Variants in TKT observed in about 807,000 individuals in gnomAD.
The protein encoded by TKT is transketolase.
A neutral mutation model predicts 63.9 loss-of-function variants in TKT; 47 were observed. The observed-to-expected ratio is 0.74, with a 90% CI of 0.58 to 0.94. TKT has a LOEUF of 0.94. Ranked by LOEUF, TKT falls within the 40% of genes least tolerant of loss-of-function variation. The pLI is 0.00. For synonymous variants in TKT, 338 were observed against 334.1 expected, an observed-to-expected ratio of 1.01 and a Z score of -0.13; for missense variants, 721 against 846.2, an observed-to-expected ratio of 0.85 and a Z score of 1.84.
Position 53,233,157 on chromosome 3 carries a change from C to T in TKT, c.747G>A (p.Thr249=), listed in dbSNP as rs782392600. The change falls in exon 6 of 14, where the codon ACG becomes ACA. Residue 249 remains threonine, a splice_region_variant and synonymous_variant. Transcript: ENST00000462138. ...IAKTFKGRGI[T]GVEDKESWHG... is the part of the protein sequence containing the mutation. ...GGAGGGCGGCTTGTGCATACTGACC[C>T]GTGATCCCTCGGCCCTTGAAGGTCT... is the stretch of plus-strand genomic sequence containing the variant. 27 of 1,613,142 alleles carry T rather than the reference C, an allele frequency of 1.7e-5. No homozygotes were observed. The highest frequency in any genetic ancestry group is 2.2e-5 in the South Asian group (2 of 90,892).
At chr3:53,234,738 G>A (rs542031750) in intron 5 of TKT, 40 of 400,724 alleles carry the variant, frequency 1.0e-4, no homozygotes, top group Middle Eastern at 6.5e-4. Context: ...TGGAAGCTCC[G>A]AGAGCCACCA....
chr3:53,246,948 C>T (rs557853324), intron 1 of TKT, among the ~76,000 whole-genome samples: 1 of 152,142 alleles, frequency 6.6e-6, no homozygotes, highest in Admixed American at 6.5e-5. Flanking sequence ...TGGAGGGACC[C>T]ACTGTAGTTC....
intron 4 of TKT, among the ~76,000 whole-genome samples, chr3:53,235,879 CAGTG>C (rs1478525230): frequency 2.7e-5 from 1 of 36,672 alleles, no homozygotes; most frequent in African/African-American, 5.9e-5. Flanking sequence ...CTTTTCAAGA[CAGTG>C]AGACGTTAAA....
intron 1 of TKT, among the ~76,000 whole-genome samples, chr3:53,253,576 C>T (rs1046392399): frequency 6.6e-6 from 1 of 152,208 alleles, no homozygotes; most frequent in Non-Finnish European, 1.5e-5. Flanking sequence ...ACCAGCCTGG[C>T]CAAGATGGTG....
intron 7 of TKT, 96 bp downstream of exon 7, chr3:53,231,261 C>T: frequency 7.1e-7 from 1 of 1,403,056 alleles, no homozygotes; most frequent in South Asian, 1.3e-5. Flanking sequence ...ATGAATCGCT[C>T]TCCTCCCTTT....
At chr3:53,236,734 C>T (rs1705049186) in intron 4 of TKT, among the ~76,000 whole-genome samples, 1 of 152,220 alleles carries the variant, frequency 6.6e-6, no homozygotes, top group African/African-American at 2.4e-5. Flanking sequence ...CACTGGAGGC[C>T]CAGCACAGCT....
chr3:53,231,533 A>AT lies in TKT; in HGVS notation c.765_766insA (p.Ser256IlefsTer13). ...TTGGGGAGGGGCTTCCCATGCCAAG[A>AT]CTCCTTATCTTCTACCCCTGCAGAC... On this transcript the variant is annotated frameshift_variant, in exon 7 of 14. Coordinates refer to ENST00000462138, the MANE Select transcript of TKT (RefSeq NM_001064.4). LOFTEE classifies it high-confidence loss of function. The AT allele has an allele frequency of 6.2e-7, 1 of 1,613,658 alleles. No homozygotes were observed. Among genetic ancestry groups the AT allele is most frequent in the Non-Finnish European group, 8.5e-7 (1 of 1,179,868 alleles).
At chr3:53,227,835 G>T in intron 12 of TKT, 2 of 515,838 alleles carry the variant, frequency 3.9e-6, no homozygotes, top group South Asian at 2.1e-5. Flanking sequence ...GAGTCATAGG[G>T]TAGGGACTGT....
intron 4 of TKT, among the ~76,000 whole-genome samples, chr3:53,238,667 T>C (rs1487190937): frequency 1.3e-5 from 2 of 152,214 alleles, no homozygotes; most frequent in East Asian, 3.9e-4. Flanking sequence ...CTTCCTCCTC[T>C]AGGAGGCTTC....
At chr3:53,238,873 G>A (rs12629312) in intron 4 of TKT, among the ~76,000 whole-genome samples, 26,724 of 152,230 alleles carry the variant, frequency 0.18, 3,029 homozygotes, top group East Asian at 0.5. Context: ...CAGCACATGA[G>A]CACTGAGCAC....
At chr3:53,247,506 G>A (rs1454557824) in intron 1 of TKT, among the ~76,000 whole-genome samples, 9 of 151,182 alleles carry the variant, frequency 6.0e-5, no homozygotes, top group African/African-American at 1.9e-4. Context: ...ATGGTGGTGC[G>A]GGCCACTAGT....
Position 53,230,602 on chromosome 3 carries a change from T to C in TKT, c.962A>G (p.Tyr321Cys), listed in dbSNP as rs782169696. Residue 321 changes from tyrosine to cysteine, a missense_variant, in exon 8 of 14, where the codon TAC (tyrosine) becomes TGC (cysteine). Transcript: ENST00000462138. ...GCCCAGCTTGGCCAGTGCCTGCCCG[T>C]AGGCCTTGCGGGTGGCTATCTGTGA... ...VGDKIATRKA[Y>C]GQALAKLGHA... 3.1e-6 allele frequency: 5 copies of C among 1,614,188 alleles called. No individual in the cohort carries two copies. In the South Asian group the frequency reaches 4.4e-5, roughly 14 times the overall value.
At chr3:53,251,996 C>T (rs544473613) in intron 1 of TKT, among the ~76,000 whole-genome samples, 7 of 152,274 alleles carry the variant, frequency 4.6e-5, no homozygotes, top group Non-Finnish European at 7.4e-5. Flanking sequence ...CAAAATTAGC[C>T]GGGCGTGGTG....
At chr3:53,241,270 G>T in intron 2 of TKT, 25 bp from the exon 3 acceptor site, 1 of 1,585,414 alleles carries the variant, frequency 6.3e-7, no homozygotes, top group Non-Finnish European at 8.6e-7. Flanking sequence ...ATGGTGGGGT[G>T]AGGTCAGGTG....
Position 53,228,824 on chromosome 3 carries a change from C to T in TKT, c.1395+183G>A, listed in dbSNP as rs139218188. The stretch of plus-strand genomic sequence containing the variant: ...GGCAATCAGTTGACAATGTCTGCCA[C>T]GTGGCAGTAAGTGGGGTGTGTATTT... On this transcript the variant is annotated intron_variant, in intron 10 of 13. Coordinates refer to ENST00000462138, the MANE Select transcript of TKT (RefSeq NM_001064.4). 2.0e-4 allele frequency: 168 copies of T among 823,876 alleles called. 1 individual carries two copies. The highest frequency in any genetic ancestry group is 2.9e-4 in the Non-Finnish European group (153 of 524,928). The allele number at this position is 823,876 out of a possible 1,614,324, so 51.0% of individuals were successfully genotyped here. A position where few individuals can be genotyped will look rare whatever the true frequency, so the allele number is the denominator to read the frequency against.
chr3:53,242,195 A>T lies in TKT; in HGVS notation c.155T>A (p.Phe52Tyr). 1 of 1,614,080 alleles carries T rather than the reference A, an allele frequency of 6.2e-7. No homozygotes were observed. Among genetic ancestry groups the T allele is most frequent in the Non-Finnish European group, 8.5e-7 (1 of 1,180,012 alleles). ...GGACTTGTAGCGCATGGTGTGGAAAAAGAGGACAGCCATGATCTCTGCGGC... is the reference window on the plus strand; with the variant it reads ...GGACTTGTAGCGCATGGTGTGGAAATAGAGGACAGCCATGATCTCTGCGGC... ...CSAAEIMAVL[F>Y]FHTMRYKSQD... The change falls in exon 2 of 14, where the codon TTT (phenylalanine) becomes TAT (tyrosine). Residue 52 changes from phenylalanine (F) to tyrosine (Y), a missense_variant. By Grantham distance (22) the Phe-to-Tyr change is conservative. Coordinates refer to ENST00000462138, the MANE Select transcript of TKT (RefSeq NM_001064.4).
chr3:53,252,982 G>A (rs557828010), intron 1 of TKT, among the ~76,000 whole-genome samples: 1 of 152,204 alleles, frequency 6.6e-6, no homozygotes, highest in African/African-American at 2.4e-5. Flanking sequence ...TGGGATTACA[G>A]GCGCCCGCCA....
intron 8 of TKT, among the ~76,000 whole-genome samples, chr3:53,230,150 GTCC>G (rs1553676673): frequency 1.3e-5 from 2 of 152,176 alleles, no homozygotes; most frequent in Non-Finnish European, 2.9e-5. Context: ...GGCCAGGCCT[GTCC>G]TCCACCTGGA....
chr3:53,251,494 G>A (rs1187214134), intron 1 of TKT, among the ~76,000 whole-genome samples: 3 of 152,208 alleles, frequency 2.0e-5, no homozygotes, highest in Non-Finnish European at 4.4e-5. Context: ...AGCCTTCTGT[G>A]AGGTCTGTCC....
Sources: allele counts gnomAD v4.1 joint callset (sites outside exome capture counted in the v4.1 genomes callset), GRCh38; gene constraint gnomAD v4.1.1; transcripts MANE v1.5; gene names NCBI Gene and HGNC (gene_info 2026-07-23, HGNC 2026-07-21).